The following FLACC1 variants were observed in gnomAD, a reference collection of about 807,000 sequenced individuals.
FLACC1 encodes flagellum associated containing coiled-coil domains 1.
FLACC1 carries 66 observed loss-of-function variants against 62.8 expected under a neutral mutation model. The observed-to-expected ratio is 1.05, with a 90% CI of 0.86 to 1.29. The LOEUF is 1.29. FLACC1 is among the 50% of genes most tolerant of loss of function. The pLI is 0.00. For synonymous variants in FLACC1, 156 were observed against 161.0 expected (o/e 0.97, Z 0.24); for missense variants, 452 against 489.1 (o/e 0.92, Z 0.71).
chr2:201,291,321 G>C (rs1436287535), intron 12 of FLACC1, among the ~76,000 whole-genome samples: 1 of 152,174 alleles, frequency 6.6e-6, no homozygotes, highest in African/African-American at 2.4e-5. Flanking sequence ...ACTCCTCTGA[G>C]ACAAAACTTT....
intron 1 of FLACC1, among the ~76,000 whole-genome samples, chr2:201,355,664 A>G (rs1471851280): frequency 2.6e-5 from 4 of 152,136 alleles, no homozygotes; most frequent in Non-Finnish European, 4.4e-5. Flanking sequence ...GTTTGAGACC[A>G]GCCTGGGAAA....
chr2:201,322,398 C>T (rs1950422444), intron 9 of FLACC1, among the ~76,000 whole-genome samples: 1 of 151,926 alleles, frequency 6.6e-6, no homozygotes, highest in South Asian at 2.1e-4. Flanking sequence ...GCTAATATAC[C>T]AAGCACATTG....
At chr2:201,356,526 G>A (rs914129561) in intron 1 of FLACC1, among the ~76,000 whole-genome samples, 2 of 152,142 alleles carry the variant, frequency 1.3e-5, no homozygotes, top group Admixed American at 1.3e-4. Context: ...CTTCTTAAGT[G>A]GGAACTACTT....
chr2:201,289,604 CCA>C, intron 13 of FLACC1, 38 bp from the exon 14 acceptor site: 1 of 1,613,114 alleles, frequency 6.2e-7, no homozygotes, highest in African/African-American at 1.3e-5. Context: ...CTTCCCCAAC[CCA>C]GAGCCATCCA....
At chr2:201,324,214 A>T (rs1164844742) in intron 9 of FLACC1, among the ~76,000 whole-genome samples, 2 of 152,226 alleles carry the variant, frequency 1.3e-5, no homozygotes, top group Admixed American at 6.5e-5. Flanking sequence ...AGCTATTCTT[A>T]TATCAGACGA....
At chr2:201,311,430 G>C (rs548312279) in intron 9 of FLACC1, among the ~76,000 whole-genome samples, 11 of 152,238 alleles carry the variant, frequency 7.2e-5, no homozygotes, top group East Asian at 1.9e-4. Context: ...ACATGAAAAA[G>C]TTAATTCATG....
intron 12 of FLACC1, among the ~76,000 whole-genome samples, chr2:201,297,409 G>T (rs533415991): frequency 9.3e-5 from 14 of 150,716 alleles, no homozygotes; most frequent in African/African-American, 3.0e-4. Context: ...GAAAGTAGGT[G>T]GGAGAACAGT....
chr2:201,291,324 A>G (rs936209339), intron 12 of FLACC1, among the ~76,000 whole-genome samples: 1 of 152,214 alleles, frequency 6.6e-6, no homozygotes, highest in Non-Finnish European at 1.5e-5. Context: ...CCTCTGAGAC[A>G]AAACTTTCAG....
chr2:201,302,888 C>T (rs1272859501), intron 11 of FLACC1, among the ~76,000 whole-genome samples: 1 of 152,160 alleles, frequency 6.6e-6, no homozygotes, highest in Non-Finnish European at 1.5e-5. Context: ...CCAATGAGAA[C>T]AAAGACACAA....
chr2:201,309,635 G>T (rs1040381186), intron 9 of FLACC1, among the ~76,000 whole-genome samples: 1 of 152,016 alleles, frequency 6.6e-6, no homozygotes, highest in Non-Finnish European at 1.5e-5. Flanking sequence ...GAGGCCGGGC[G>T]CAGTGGCTCA....
intron 9 of FLACC1, among the ~76,000 whole-genome samples, chr2:201,322,482 C>T (rs1356543877): frequency 6.6e-6 from 1 of 152,012 alleles, no homozygotes; most frequent in African/African-American, 2.4e-5. Context: ...AGAGTCTTCA[C>T]CCCTGAAAGC....
chr2:201,339,207 T>C (rs1440760136), intron 7 of FLACC1, among the ~76,000 whole-genome samples: 3 of 152,144 alleles, frequency 2.0e-5, no homozygotes, highest in African/African-American at 4.8e-5. Context: ...GTGTTAGTTA[T>C]AGTTGTTCAT....
chr2:201,319,661 A>G (rs1950366404), intron 9 of FLACC1, among the ~76,000 whole-genome samples: 1 of 152,244 alleles, frequency 6.6e-6, no homozygotes, highest in African/African-American at 2.4e-5. Flanking sequence ...AAACAATTGA[A>G]CAAGCAAAAA....
chr2:201,305,789 A>G (rs1950090022), intron 11 of FLACC1, among the ~76,000 whole-genome samples: 1 of 152,194 alleles, frequency 6.6e-6, no homozygotes, highest in Admixed American at 6.5e-5. Context: ...TTGTAGGGAC[A>G]TGGATGAAGT....
intron 9 of FLACC1, among the ~76,000 whole-genome samples, chr2:201,325,893 T>G (rs959084450): frequency 4.6e-5 from 7 of 152,100 alleles, no homozygotes; most frequent in Non-Finnish European, 1.5e-5. Context: ...CAGACCAATT[T>G]CACTGATGTT....
At chr2:201,353,643 A>C (rs1951068517) in intron 1 of FLACC1, among the ~76,000 whole-genome samples, 1 of 151,694 alleles carries the variant, frequency 6.6e-6, no homozygotes, top group Non-Finnish European at 1.5e-5. Flanking sequence ...GCTGGAGTGC[A>C]GTGGCACAAT....
At chr2:201,299,381 T>A in intron 11 of FLACC1, 81 bp from the exon 12 acceptor site, 1 of 1,109,556 alleles carries the variant, frequency 9.0e-7, no homozygotes, top group Non-Finnish European at 1.4e-6. Context: ...CAGACTAGGA[T>A]TCAGGAATAT....
intron 9 of FLACC1, among the ~76,000 whole-genome samples, chr2:201,325,231 A>G (rs1950480895): frequency 6.6e-6 from 1 of 152,220 alleles, no homozygotes; most frequent in Non-Finnish European, 1.5e-5. Flanking sequence ...GAAAGAGCAC[A>G]AATTGACAAT....
rs1949640093 is a variant in FLACC1, at chr2:201,288,488, G to A, written c.*167C>T. The stretch of plus-strand genomic sequence containing the variant: ...TTCAGTGAAGAGTCCGTGATAAGCT[G>A]TGAAATTCAGATGCGAATTCAAACA... On this transcript the variant is annotated 3_prime_UTR_variant, in exon 15 of 15. Coordinates refer to ENST00000392257, the MANE Select transcript of FLACC1 (RefSeq NM_001127391.3). 2.6e-6 allele frequency: 2 copies of A among 778,542 alleles called. No individual in the cohort carries two copies. The highest frequency in any genetic ancestry group is 1.9e-6 in the Non-Finnish European group (1 of 513,762). The allele number at this position is 778,542 out of a possible 1,614,324, so 48.2% of individuals were successfully genotyped here. A position where few individuals can be genotyped will look rare whatever the true frequency, so the allele number is the denominator to read the frequency against.
Sources: gnomAD v4.1 joint callset for allele counts (sites outside exome capture counted in the v4.1 genomes callset) on GRCh38, gnomAD v4.1.1 for gene constraint, MANE v1.5 for transcripts, NCBI Gene and HGNC (gene_info 2026-07-23, HGNC 2026-07-21) for gene names.